Variants in ATXN2 observed in about 807,000 individuals in gnomAD.
The protein encoded by ATXN2 is ataxin-2.
In ATXN2, 37 loss-of-function variants were observed where a neutral mutation model predicts 138.6. The observed-to-expected ratio is 0.27, with a 90% CI of 0.21 to 0.35. The LOEUF is 0.35. ATXN2 is among the 10% of genes least tolerant of loss of function. ATXN2 has a pLI of 1.00. For missense variants in ATXN2, 1,216 were observed against 1,480.3 expected (o/e 0.82, Z 2.93); for synonymous variants, 549 against 543.7 (o/e 1.01, Z -0.13).
chr12:111,571,508 G>A (rs1488756773), intron 1 of ATXN2, among the ~76,000 whole-genome samples: 1 of 152,062 alleles, frequency 6.6e-6, no homozygotes, highest in Non-Finnish European at 1.5e-5. Flanking sequence ...TCGAATGGCA[G>A]AACAATGATG....
intron 18 of ATXN2, among the ~76,000 whole-genome samples, chr12:111,482,524 T>C (rs528964146): frequency 2.6e-5 from 4 of 152,178 alleles, no homozygotes; most frequent in Non-Finnish European, 5.9e-5. Context: ...AAAAAGACAG[T>C]ACCTCCTGAA....
At chr12:111,546,478 G>A (rs768101668) in intron 5 of ATXN2, among the ~76,000 whole-genome samples, 12 of 152,132 alleles carry the variant, frequency 7.9e-5, no homozygotes, top group Non-Finnish European at 1.5e-4. Flanking sequence ...ATTTACTGAT[G>A]AGCAGATTTG....
intron 5 of ATXN2, among the ~76,000 whole-genome samples, chr12:111,531,614 T>C (rs529247453): frequency 2.6e-5 from 4 of 152,308 alleles, no homozygotes; most frequent in South Asian, 2.1e-4. Flanking sequence ...ATACAGATTA[T>C]ATTAAAGACT....
At position 111,593,914 on chromosome 12, in the gene ATXN2, G is replaced by A. The variant is rs141008682; in HGVS notation, c.251+4870C>T. Among the ~76,000 whole-genome samples, 99 of 152,248 alleles carry A rather than the reference G, an allele frequency of 6.5e-4. No individual in the cohort carries two copies. The East Asian group carries it at 0.015, about 23-fold the overall frequency. On this transcript the variant is annotated intron_variant, in intron 1 of 24. Coordinates refer to ENST00000673436, the MANE Select transcript of ATXN2 (RefSeq NM_001372574.1). ...TTATAAATTACTAATGAAGCCACATGACTAATTAACCTAGATAAAAAGCAA... is the reference window on the plus strand; with the variant it reads ...TTATAAATTACTAATGAAGCCACATAACTAATTAACCTAGATAAAAAGCAA...
intron 1 of ATXN2, among the ~76,000 whole-genome samples, chr12:111,593,153 GCTCACTGCAACCTCCGCA>G (rs1308814342): frequency 6.6e-6 from 1 of 151,912 alleles, no homozygotes; most frequent in Non-Finnish European, 1.5e-5. Flanking sequence ...CATGATCTCA[GCTCACTGCAACCTCCGCA>G]CTCATTGCAA....
chr12:111,511,337 T>C (rs1879501420), intron 11 of ATXN2: 2 of 152,120 alleles, frequency 1.3e-5, no homozygotes, highest in African/African-American at 2.4e-5. Context: ...AAATCTATAA[T>C]GCTATTCTGA....
chr12:111,486,004 A>G lies in ATXN2; in HGVS notation c.2305-139T>C, dbSNP rs1639502255. 4.4e-6 allele frequency: 3 copies of G among 688,738 alleles called. No individual in the cohort carries two copies. The South Asian group carries it at 1.5e-4, about 34-fold the overall frequency. 42.7% of individuals were successfully genotyped at this position (688,738 alleles called of 1,614,324 possible). A position where few individuals can be genotyped will look rare whatever the true frequency, so the allele number is the denominator to read the frequency against. On this transcript the variant is annotated intron_variant, in intron 16 of 24. Coordinates refer to ENST00000673436, the MANE Select transcript of ATXN2 (RefSeq NM_001372574.1). ...TTTATTGAAAACAAAAACACAGCAC[A>G]TAAATTTTCACATTTCAATAAAAGA...
intron 1 of ATXN2, among the ~76,000 whole-genome samples, chr12:111,580,619 T>C (rs1883941303): frequency 8.8e-6 from 1 of 113,752 alleles, no homozygotes; most frequent in Non-Finnish European, 1.6e-5. Context: ...CTCAGCAACA[T>C]AAGGAGACCC....
chr12:111,593,910 A>C (rs966041684), intron 1 of ATXN2, among the ~76,000 whole-genome samples: 1 of 152,222 alleles, frequency 6.6e-6, no homozygotes, highest in Non-Finnish European at 1.5e-5. Flanking sequence ...TAATGAAGCC[A>C]CATGACTAAT....
At chr12:111,487,334 A>T (rs1877711133) in intron 15 of ATXN2, among the ~76,000 whole-genome samples, 1 of 152,088 alleles carries the variant, frequency 6.6e-6, no homozygotes, top group African/African-American at 2.4e-5. Context: ...CAGCCTCCCA[A>T]AGTGCTGGGA....
At chr12:111,535,429 C>A (rs1881095668) in intron 5 of ATXN2, among the ~76,000 whole-genome samples, 1 of 151,704 alleles carries the variant, frequency 6.6e-6, no homozygotes, top group African/African-American at 2.4e-5. Context: ...TCGAGACCAG[C>A]CTGGGAAACA....
Position 111,586,401 on chromosome 12 carries a change from T to TG in ATXN2, c.251+12382_251+12383insC, listed in dbSNP as rs1805243487. On this transcript the variant is annotated intron_variant, in intron 1 of 24. Coordinates refer to ENST00000673436, the MANE Select transcript of ATXN2 (RefSeq NM_001372574.1). ...GCCCCAAGTCTGGTTTTTTTTTTTT[T>TG]TTTTTTTTTTTAGACGGAGTCTCCC... is the stretch of plus-strand genomic sequence containing the variant. Among the ~76,000 whole-genome samples the TG allele has an allele frequency of 2.0e-5, 3 of 146,596 alleles. No homozygotes were observed. In the Admixed American group the frequency reaches 2.0e-4, roughly 10 times the overall value.
intron 5 of ATXN2, among the ~76,000 whole-genome samples, chr12:111,544,219 T>C (rs1267680990): frequency 6.6e-6 from 1 of 152,228 alleles, no homozygotes; most frequent in Non-Finnish European, 1.5e-5. Context: ...AAATAGATTC[T>C]TGTATTTCTC....
Position 111,598,173 on chromosome 12 carries a change from C to A in ATXN2, c.251+611G>T. ...GCAGAGGGGTGCGGGGGCCAAGGCC[C>A]ACTTGTCTCCACCCCGTCCTCCGAT... On this transcript the variant is annotated intron_variant, in intron 1 of 24. Transcript: ENST00000673436. The surrounding 1 kb of genome is among the most constrained non-coding windows in gnomAD (Gnocchi z 4.5). 1.9e-6 allele frequency: 2 copies of A among 1,079,714 alleles called. No individual in the cohort carries two copies. The highest frequency in any genetic ancestry group is 2.3e-6 in the Non-Finnish European group (2 of 882,912). 66.9% of individuals were successfully genotyped at this position (1,079,714 alleles called of 1,614,324 possible).
At position 111,531,067 on chromosome 12, in the gene ATXN2, G is replaced by A. The variant is rs1020916530; in HGVS notation, c.572-5751C>T. Reference sequence around the variant, plus strand: ...TGGGAGGCAGAGGCTGCGGTGAGCCGAGATCGCACCATTGCACTCCAGCCT... The same window carrying A: ...TGGGAGGCAGAGGCTGCGGTGAGCCAAGATCGCACCATTGCACTCCAGCCT... On this transcript the variant is annotated intron_variant, in intron 5 of 24. Coordinates refer to ENST00000673436, the MANE Select transcript of ATXN2 (RefSeq NM_001372574.1). 3.9e-5 allele frequency among the ~76,000 whole-genome samples: 6 copies of A among 152,044 alleles called. No homozygotes were observed. The South Asian group carries it at 1.0e-3, about 26-fold the overall frequency.
chr12:111,523,221 C>G (rs1475117093), intron 6 of ATXN2, among the ~76,000 whole-genome samples: 1 of 150,934 alleles, frequency 6.6e-6, no homozygotes, highest in East Asian at 1.9e-4. Context: ...CAGAGCAAGA[C>G]TCTGTCTCAA....
intron 5 of ATXN2, among the ~76,000 whole-genome samples, chr12:111,526,145 T>A (rs1056001704): frequency 8.6e-5 from 13 of 151,598 alleles, no homozygotes; most frequent in Admixed American, 8.5e-4. Flanking sequence ...ATCATGAGGT[T>A]AAGAGATCGA....
intron 5 of ATXN2, among the ~76,000 whole-genome samples, chr12:111,535,120 T>C (rs11065941): frequency 0.069 from 10,470 of 151,960 alleles, 1,297 homozygotes; most frequent in East Asian, 0.57. Flanking sequence ...AGAGAGACCC[T>C]TTCTCAACAA....
rs1041799632 is a variant in ATXN2, at chr12:111,526,255, C to T, written c.572-939G>A. ...CCTGTAGTCCCAGCTACTCGGGAGGCTGAGGAAGGAGAATCGTTTGAACCC... is the reference window on the plus strand; with the variant it reads ...CCTGTAGTCCCAGCTACTCGGGAGGTTGAGGAAGGAGAATCGTTTGAACCC... On this transcript the variant is annotated intron_variant, in intron 5 of 24. Transcript: ENST00000673436. 6.6e-5 allele frequency among the ~76,000 whole-genome samples: 10 copies of T among 151,380 alleles called. No individual in the cohort carries two copies. The East Asian group carries it at 1.8e-3, about 27-fold the overall frequency.
Sources: allele counts gnomAD v4.1 joint callset (sites outside exome capture counted in the v4.1 genomes callset), GRCh38; gene constraint gnomAD v4.1.1; non-coding constraint Gnocchi (gnomAD v3.1); transcripts MANE v1.5; gene names NCBI Gene and HGNC (gene_info 2026-07-23, HGNC 2026-07-21).